Variants in FUT2 observed in about 807,000 individuals in gnomAD.
FUT2 encodes galactoside alpha-(1,2)-fucosyltransferase 2.
For missense variants in FUT2, 419 were observed against 465.8 expected, an observed-to-expected ratio of 0.90 and a Z score of 0.93; for synonymous variants, 182 against 193.1, an observed-to-expected ratio of 0.94 and a Z score of 0.48.
chr19:48,699,716 G>A (rs1452257844), intron 1 of FUT2, among the ~76,000 whole-genome samples: 4 of 152,060 alleles, frequency 2.6e-5, no homozygotes, highest in African/African-American at 9.7e-5. Flanking sequence ...AAATCACACA[G>A]CTCGTGACTG....
At chr19:48,701,463 G>A (rs1047227048) in intron 1 of FUT2, among the ~76,000 whole-genome samples, 1 of 151,882 alleles carries the variant, frequency 6.6e-6, no homozygotes, top group African/African-American at 2.4e-5. Flanking sequence ...ACAGGCGTGA[G>A]CCACCGCGCC....
Position 48,705,106 on chromosome 19 carries a change from C to CTTTTTTTTTTTTTTTTTTT in FUT2, c.*1122_*1123insTTTTTTTTTTTTTTTTTTT, listed in dbSNP as rs750075953. The CTTTTTTTTTTTTTTTTTTT allele has an allele frequency of 8.3e-4, 157 of 188,942 alleles. 23 individuals carry two copies. The highest frequency in any genetic ancestry group is 3.5e-3 in the African/African-American group (105 of 29,916). The allele number at this position is 188,942 out of a possible 1,614,324, so 11.7% of individuals were successfully genotyped here. ...GAGCTCACTGTTTTCTTTTCTTTTT[C>CTTTTTTTTTTTTTTTTTTT]TTTTCTTTTTTTTTTTTTTTTTGAG... is the stretch of plus-strand genomic sequence containing the variant. On this transcript the variant is annotated 3_prime_UTR_variant, in exon 2 of 2. Transcript: ENST00000425340.
intron 1 of FUT2, 49 bp from the exon 2 acceptor site, chr19:48,702,906 C>G (rs1180432472): frequency 1.3e-6 from 2 of 1,588,972 alleles, no homozygotes; most frequent in Non-Finnish European, 1.7e-6. Flanking sequence ...CACCAGCGCC[C>G]CGGGCCTCCA....
intron 1 of FUT2, among the ~76,000 whole-genome samples, chr19:48,697,324 A>G (rs1241690354): frequency 1.4e-5 from 2 of 141,850 alleles, no homozygotes; most frequent in African/African-American, 5.4e-5. Flanking sequence ...CAGCCTGGGG[A>G]ACAAGAGCAA....
intron 1 of FUT2, among the ~76,000 whole-genome samples, chr19:48,702,603 A>G (rs1267759818): frequency 1.3e-5 from 2 of 151,894 alleles, no homozygotes; most frequent in African/African-American, 4.8e-5. Context: ...CTACCCATAC[A>G]CTACCATGTA....
Position 48,704,259 on chromosome 19 carries a change from T to C in FUT2, c.*271T>C. Reference sequence around the variant, plus strand: ...CAACATGGTGAAACCCCATCTCGACTAAAAATACAAAAATTAGCCAGGCGT... The same window carrying C: ...CAACATGGTGAAACCCCATCTCGACCAAAAATACAAAAATTAGCCAGGCGT... On this transcript the variant is annotated 3_prime_UTR_variant, in exon 2 of 2. Transcript: ENST00000425340. 1 of 477,558 alleles carries C rather than the reference T, an allele frequency of 2.1e-6. No homozygotes were observed. The highest frequency in any genetic ancestry group is 3.9e-6 in the Non-Finnish European group (1 of 257,774). The allele number at this position is 477,558 out of a possible 1,614,324, so 29.6% of individuals were successfully genotyped here. A position where few individuals can be genotyped will look rare whatever the true frequency, so the allele number is the denominator to read the frequency against.
chr19:48,703,968 T>A lies in FUT2; in HGVS notation c.1012T>A (p.Ser338Thr). ...PEWTGIAADL[S>T]PLLKH is the part of the protein sequence containing the mutation. ...GTGGACAGGGATTGCCGCAGACCTGTCCCCCTTACTCAAGCACTAATGCTG... is the reference window on the plus strand; with the variant it reads ...GTGGACAGGGATTGCCGCAGACCTGACCCCCTTACTCAAGCACTAATGCTG... Residue 338 changes from serine (S) to threonine (T), a missense_variant, in exon 2 of 2, where the codon TCC (serine) becomes ACC (threonine). By Grantham distance (58) the Ser-to-Thr change is moderately conservative (BLOSUM62 1). Coordinates refer to ENST00000425340, the MANE Select transcript of FUT2 (RefSeq NM_000511.6). The A allele has an allele frequency of 6.2e-7, 1 of 1,613,370 alleles. No individual in the cohort carries two copies. Among genetic ancestry groups the A allele is most frequent in the East Asian group, 2.2e-5 (1 of 44,868 alleles).
rs603985 is a variant in FUT2, at chr19:48,704,000, T to C, written c.*12T>C. 0.48 allele frequency: 777,015 copies of C among 1,607,326 alleles called. 199,649 individuals carry two copies. Among genetic ancestry groups the C allele is most frequent in the Middle Eastern group, 0.54 (3,277 of 6,044 alleles). On this transcript the variant is annotated 3_prime_UTR_variant, in exon 2 of 2. Transcript: ENST00000425340. ...TACTCAAGCACTAATGCTGGCCCAT[T>C]CTTTGAGACCTTTTCTCCTTCTCTG...
Position 48,703,551 on chromosome 19 carries a change from C to A in FUT2, c.595C>A (p.His199Asn), listed in dbSNP as rs995227975. 1.2e-6 allele frequency: 2 copies of A among 1,613,330 alleles called. No homozygotes were observed. The highest frequency in any genetic ancestry group is 1.7e-6 in the Non-Finnish European group (2 of 1,180,020). The change falls in exon 2 of 2, where the codon CAT (histidine) becomes AAT (asparagine). Residue 199 changes from histidine (H) to asparagine (N), a missense_variant. Transcript: ENST00000425340. ...CCGGCCGGGCACCTTTGTAGGGGTC[C>A]ATGTTCGCCGAGGGGACTATGTCCA... is the stretch of plus-strand genomic sequence containing the variant. ...GSRPGTFVGV[H>N]VRRGDYVHVM...
Position 48,703,921 on chromosome 19 carries a change from C to T in FUT2, c.965C>T (p.Pro322Leu), listed in dbSNP as rs1323324903. The change falls in exon 2 of 2, where the codon CCA becomes CTA. Residue 322 changes from proline to leucine, a missense_variant. By Grantham distance (98) the Pro-to-Leu change is moderately conservative. Transcript: ENST00000425340. ...PDSPFLKIFK[P>L]EAAFLPEWTG... ...TCCCCTTTCCTCAAAATCTTTAAGCCAGAGGCAGCCTTCCTGCCGGAGTGG... is the reference window on the plus strand; with the variant it reads ...TCCCCTTTCCTCAAAATCTTTAAGCTAGAGGCAGCCTTCCTGCCGGAGTGG... 6.2e-7 allele frequency: 1 copy of T among 1,613,462 alleles called. No individual in the cohort carries two copies. Among genetic ancestry groups the T allele is most frequent in the East Asian group, 2.2e-5 (1 of 44,890 alleles).
intron 1 of FUT2, among the ~76,000 whole-genome samples, chr19:48,699,930 G>A: frequency 6.6e-6 from 1 of 151,844 alleles, no homozygotes; most frequent in Non-Finnish European, 1.5e-5. Flanking sequence ...GAGGTGGGTG[G>A]ATCACTTGAG....
In FUT2 at chr19:48,703,493, G is replaced by A. The variant is rs1206539610; in HGVS notation, c.537G>A (p.Gln179=). Reference sequence around the variant, plus strand: ...ACGACCACGTGCGGGAGGAGGCCCAGAAGTTCCTGCGGGGCCTGCAGGTGA... The same window carrying A: ...ACGACCACGTGCGGGAGGAGGCCCAAAAGTTCCTGCGGGGCCTGCAGGTGA... The part of the protein sequence containing the change: ...TLHDHVREEA[Q]KFLRGLQVNG... The change falls in exon 2 of 2, where the codon CAG becomes CAA. Residue 179 remains glutamine (Q), a synonymous_variant. Coordinates refer to ENST00000425340, the MANE Select transcript of FUT2 (RefSeq NM_000511.6). 2 of 1,613,088 alleles carry A rather than the reference G, an allele frequency of 1.2e-6. No individual in the cohort carries two copies. The highest frequency in any genetic ancestry group is 1.7e-6 in the Non-Finnish European group (2 of 1,180,030).
chr19:48,700,708 T>C (rs567699089), intron 1 of FUT2, among the ~76,000 whole-genome samples: 23 of 152,136 alleles, frequency 1.5e-4, no homozygotes, highest in Admixed American at 2.6e-4. Flanking sequence ...GCAGATAATT[T>C]CTTTCAAAAA....
chr19:48,699,133 T>C (rs1180948459), intron 1 of FUT2, among the ~76,000 whole-genome samples: 1 of 151,800 alleles, frequency 6.6e-6, no homozygotes, highest in Non-Finnish European at 1.5e-5. Context: ...TTAAGGCAAG[T>C]GTTGACATGG....
intron 1 of FUT2, among the ~76,000 whole-genome samples, chr19:48,698,896 T>C (rs181358864): frequency 1.1e-3 from 166 of 152,070 alleles, no homozygotes; most frequent in African/African-American, 3.7e-3. Flanking sequence ...TCATTCTCCC[T>C]GTCTCTCTAG....
In FUT2 at chr19:48,703,007, CT is replaced by C. The variant is rs779566586; in HGVS notation, c.54del (p.Phe18LeufsTer15). The C allele has an allele frequency of 4.3e-6, 7 of 1,613,054 alleles. No homozygotes were observed. In the African/African-American group the frequency reaches 6.7e-5, roughly 15 times the overall value. On this transcript the variant is annotated frameshift_variant, in exon 2 of 2. Transcript: ENST00000425340. LOFTEE classifies it low-confidence loss of function (END_TRUNC). ...FSFPMAHFIL[F>X]VFTVSTIFHV... ...CCTTTCCCATGGCCCACTTCATCCT[CT>C]TTGTCTTTACGGTTTCCACTATATT...
chr19:48,696,919 G>A (rs559073903), intron 1 of FUT2, among the ~76,000 whole-genome samples: 14 of 152,172 alleles, frequency 9.2e-5, no homozygotes, highest in Admixed American at 3.9e-4. Flanking sequence ...GGGGTGTGCG[G>A]GGCCGGCGAG....
At position 48,704,080 on chromosome 19, in the gene FUT2, C is replaced by A; in HGVS notation, c.*92C>A. Reference sequence around the variant, plus strand: ...GAAGCACATGGTTCCATGAGCAGGACCCATCTCTCTTCTGTGAAGATGCGT... The same window carrying A: ...GAAGCACATGGTTCCATGAGCAGGAACCATCTCTCTTCTGTGAAGATGCGT... On this transcript the variant is annotated 3_prime_UTR_variant, in exon 2 of 2. Coordinates refer to ENST00000425340, the MANE Select transcript of FUT2 (RefSeq NM_000511.6). 3 of 1,183,248 alleles carry A rather than the reference C, an allele frequency of 2.5e-6. No homozygotes were observed. The highest frequency in any genetic ancestry group is 3.8e-6 in the Non-Finnish European group (3 of 795,018). 73.3% of individuals were successfully genotyped at this position (1,183,248 alleles called of 1,614,324 possible). A position where few individuals can be genotyped will look rare whatever the true frequency, so the allele number is the denominator to read the frequency against.
Position 48,703,950 on chromosome 19 carries a change from G to C in FUT2, c.994G>C (p.Gly332Arg). 3.7e-6 allele frequency: 6 copies of C among 1,613,514 alleles called. No individual in the cohort carries two copies. The highest frequency in any genetic ancestry group is 5.1e-6 in the Non-Finnish European group (6 of 1,179,998). Residue 332 changes from glycine (G) to arginine (R), a missense_variant, in exon 2 of 2, where the codon GGG becomes CGG. Physicochemically the swap from Gly to Arg is moderately radical, Grantham distance 125. Coordinates refer to ENST00000425340, the MANE Select transcript of FUT2 (RefSeq NM_000511.6). ...GGCAGCCTTCCTGCCGGAGTGGACAGGGATTGCCGCAGACCTGTCCCCCTT... is the reference window on the plus strand; with the variant it reads ...GGCAGCCTTCCTGCCGGAGTGGACACGGATTGCCGCAGACCTGTCCCCCTT... ...PEAAFLPEWT[G>R]IAADLSPLLK... is the part of the protein sequence containing the mutation.
Sources: gnomAD v4.1 joint callset for allele counts (sites outside exome capture counted in the v4.1 genomes callset) on GRCh38, gnomAD v4.1.1 for gene constraint, MANE v1.5 for transcripts, NCBI Gene and HGNC (gene_info 2026-07-23, HGNC 2026-07-21) for gene names.